ATP2C2: variants seen among roughly 807,000 people sequenced by gnomAD.
The protein encoded by ATP2C2 is calcium-transporting ATPase type 2C member 2.
A neutral mutation model predicts 110.8 loss-of-function variants in ATP2C2; 171 were observed. The ratio of observed to expected loss-of-function variants is 1.54; its 90% CI spans 1.36 to 1.75. ATP2C2 has a LOEUF of 1.75. Among genes scored for constraint, ATP2C2 ranks in the 40% most tolerant of loss-of-function variants. The pLI is 0.00. For synonymous variants in ATP2C2, 804 were observed against 508.4 expected (o/e 1.58, Z -7.82); for missense variants, 1,963 against 1,235.0 (o/e 1.59, Z -8.84).
chr16:84,374,024 A>T (rs759505397), intron 1 of ATP2C2, among the ~76,000 whole-genome samples: 7 of 152,236 alleles, frequency 4.6e-5, no homozygotes, highest in Non-Finnish European at 7.3e-5. Context: ...TCATCTGATA[A>T]CCGTAGAACT....
chr16:84,445,284 C>T (rs1451417369), intron 15 of ATP2C2, among the ~76,000 whole-genome samples: 1 of 151,796 alleles, frequency 6.6e-6, no homozygotes, highest in Non-Finnish European at 1.5e-5. Flanking sequence ...TCTCCGCTCA[C>T]TGCAACCTCC....
intron 11 of ATP2C2, among the ~76,000 whole-genome samples, chr16:84,426,705 C>T (rs1406806087): frequency 6.6e-6 from 1 of 152,164 alleles, no homozygotes; most frequent in East Asian, 1.9e-4. Flanking sequence ...TGAGTGTTGG[C>T]TCTTAATACT....
chr16:84,451,673 A>G (rs1180516249), intron 17 of ATP2C2, among the ~76,000 whole-genome samples: 1 of 152,142 alleles, frequency 6.6e-6, no homozygotes, highest in Non-Finnish European at 1.5e-5. Flanking sequence ...TCCTGTCTCT[A>G]CTAAAAATAC....
chr16:84,459,464 C>T (rs775137016), intron 23 of ATP2C2, 78 bp downstream of exon 23: 2 of 1,603,968 alleles, frequency 1.2e-6, no homozygotes, highest in Non-Finnish European at 1.7e-6. Flanking sequence ...TGGCTGTGCC[C>T]CAAGGCTATA....
At chr16:84,410,440 T>C in intron 4 of ATP2C2, 128 bp from the exon 5 acceptor site, 1 of 1,100,224 alleles carries the variant, frequency 9.1e-7, no homozygotes. Flanking sequence ...TCTAAATTTC[T>C]GTACTGTGCA....
chr16:84,371,001 G>T (rs1173385542), intron 1 of ATP2C2, among the ~76,000 whole-genome samples: 15 of 152,194 alleles, frequency 9.9e-5, no homozygotes, highest in Non-Finnish European at 4.4e-5. Flanking sequence ...AGTTTTGCTA[G>T]GCGCTGAGGA....
At chr16:84,453,070 G>A in intron 18 of ATP2C2, 68 bp from the exon 19 acceptor site, 1 of 1,487,672 alleles carries the variant, frequency 6.7e-7, no homozygotes, top group Non-Finnish European at 9.2e-7. Flanking sequence ...CATGGCCGAG[G>A]TGGGGCCGGG....
chr16:84,463,551 C>T (rs1030458700), intron 26 of ATP2C2, 63 bp from the exon 27 acceptor site: 2 of 1,419,606 alleles, frequency 1.4e-6, no homozygotes, highest in Non-Finnish European at 2.0e-6. Flanking sequence ...AGGGAAGGCG[C>T]TTCCTGCCGG....
chr16:84,431,071 G>A (rs1908236562), intron 11 of ATP2C2, among the ~76,000 whole-genome samples: 1 of 152,156 alleles, frequency 6.6e-6, no homozygotes, highest in African/African-American at 2.4e-5. Context: ...GCTGGATCAG[G>A]TAGATCTCTG....
intron 14 of ATP2C2, among the ~76,000 whole-genome samples, chr16:84,442,171 A>G (rs1909323664): frequency 6.6e-6 from 1 of 152,102 alleles, no homozygotes; most frequent in Non-Finnish European, 1.5e-5. Context: ...CAATTTGTTC[A>G]CAAGTTGTGC....
chr16:84,405,463 G>A (rs1905681314), intron 3 of ATP2C2, among the ~76,000 whole-genome samples: 1 of 150,654 alleles, frequency 6.6e-6, no homozygotes, highest in Non-Finnish European at 1.5e-5. Flanking sequence ...AGTTGAGCAG[G>A]CCCCGGGCCC....
intron 7 of ATP2C2, among the ~76,000 whole-genome samples, chr16:84,419,342 T>A (rs545552037): frequency 5.3e-5 from 8 of 151,516 alleles, no homozygotes; most frequent in Non-Finnish European, 8.8e-5. Context: ...CATGGCTCCA[T>A]GTTCCCGCAC....
Position 84,446,417 on chromosome 16 carries a change from G to C in ATP2C2, c.1490G>C (p.Ser497Thr). 6.2e-7 allele frequency: 1 copy of C among 1,601,864 alleles called. No individual in the cohort carries two copies. Among genetic ancestry groups the C allele is most frequent in the East Asian group, 2.3e-5 (1 of 44,320 alleles). ...CAGAAGTGGATGGCGGTGAAATGCA[G>C]TCTGAAGACTGAGGTGAGACCTTTC... ...SEQKWMAVKC[S>T]LKTEDQEDIY... is the part of the protein sequence containing the mutation. Residue 497 changes from serine to threonine, a missense_variant, in exon 16 of 27, where the codon AGT becomes ACT. By Grantham distance (58) the Ser-to-Thr change is moderately conservative. Coordinates refer to ENST00000262429, the MANE Select transcript of ATP2C2 (RefSeq NM_014861.4).
chr16:84,447,498 C>G (rs902889208), intron 16 of ATP2C2, among the ~76,000 whole-genome samples: 4 of 151,680 alleles, frequency 2.6e-5, no homozygotes, highest in Non-Finnish European at 5.9e-5. Context: ...TTTAAATATG[C>G]AAACGACAAC....
At position 84,450,140 on chromosome 16, in the gene ATP2C2, C is replaced by T. The variant is rs115584762; in HGVS notation, c.1660+1451C>T. The stretch of plus-strand genomic sequence containing the variant: ...GGCGGAGGAGCAGTGAGACCTTTTC[C>T]TGTCTTCCCCCAGTGTACACGCAGG... On this transcript the variant is annotated intron_variant, in intron 17 of 26. Coordinates refer to ENST00000262429, the MANE Select transcript of ATP2C2 (RefSeq NM_014861.4). Among the ~76,000 whole-genome samples, 252 of 152,376 alleles carry T rather than the reference C, an allele frequency of 1.7e-3. 1 individual carries two copies. The highest frequency in any genetic ancestry group is 5.2e-3 in the African/African-American group (216 of 41,598).
At chr16:84,463,570 A>C (rs748347896) in intron 26 of ATP2C2, 44 bp from the exon 27 acceptor site, 1 of 1,543,706 alleles carries the variant, frequency 6.5e-7, no homozygotes, top group South Asian at 1.1e-5. Flanking sequence ...GGCGCAACAG[A>C]GCTGCAGCCC....
At chr16:84,392,515 T>A (rs528510552) in intron 1 of ATP2C2, among the ~76,000 whole-genome samples, 43 of 152,244 alleles carry the variant, frequency 2.8e-4, no homozygotes, top group African/African-American at 9.9e-4. Context: ...CAGGCTGGAG[T>A]GCAGTGGCGT....
At chr16:84,375,472 C>G (rs1033074028) in intron 1 of ATP2C2, among the ~76,000 whole-genome samples, 1 of 149,814 alleles carries the variant, frequency 6.7e-6, no homozygotes, top group Non-Finnish European at 1.5e-5. Flanking sequence ...ATCGGGGAGG[C>G]ACATGTTGCA....
At chr16:84,411,257 G>A (rs1040052290) in intron 6 of ATP2C2, among the ~76,000 whole-genome samples, 7 of 151,978 alleles carry the variant, frequency 4.6e-5, no homozygotes, top group Non-Finnish European at 8.8e-5. Context: ...CCTCTTTCCT[G>A]CCCACAGTTT....
Sources: gnomAD v4.1 joint callset for allele counts (sites outside exome capture counted in the v4.1 genomes callset) on GRCh38, gnomAD v4.1.1 for gene constraint, MANE v1.5 for transcripts, NCBI Gene and HGNC (gene_info 2026-07-23, HGNC 2026-07-21) for gene names.